Variants in SYNE1 observed in about 807,000 individuals in gnomAD.
The protein encoded by SYNE1 is spectrin repeat containing nuclear envelope protein 1, also known as nesprin-1.
Under a neutral mutation model 1,111.0 loss-of-function variants are expected in SYNE1, and 616 were observed. The observed-to-expected ratio is 0.55, with a 90% CI of 0.52 to 0.59. The LOEUF (loss-of-function observed/expected upper bound fraction) is 0.59, where lower values mean the gene tolerates loss of function less well. SYNE1 is among the 20% of genes least tolerant of loss of function. SYNE1 has a pLI of 0.00. For synonymous variants in SYNE1, 3,855 were observed against 3,825.8 expected, an observed-to-expected ratio of 1.01 and a Z score of -0.28; for missense variants, 10,006 against 10,417.0, an observed-to-expected ratio of 0.96 and a Z score of 1.72.
rs138453650 is a variant in SYNE1, at chr6:152,455,538, C to T, written c.2780G>A (p.Arg927His). 12 of 1,614,164 alleles carry T rather than the reference C, an allele frequency of 7.4e-6. No individual in the cohort carries two copies. Among genetic ancestry groups the T allele is most frequent in the East Asian group, 2.2e-5 (1 of 44,882 alleles). Reference sequence around the variant, plus strand: ...AGACTCCTCAAACTTCTTCATCAAGCGACTGTTGGTTTCCACATGCTTCTT... The same window carrying T: ...AGACTCCTCAAACTTCTTCATCAAGTGACTGTTGGTTTCCACATGCTTCTT... The part of the protein sequence containing the change: ...DWKKHVETNS[R>H]LMKKFEESRA... Residue 927 changes from arginine to histidine, a missense_variant, in exon 24 of 146, where the codon CGC becomes CAC. Coordinates refer to ENST00000367255, the MANE Select transcript of SYNE1 (RefSeq NM_182961.4).
intron 87 of SYNE1, chr6:152,316,182 C>T (rs560172250): frequency 6.6e-6 from 1 of 152,550 alleles, no homozygotes; most frequent in East Asian, 1.9e-4. Context: ...ACTAACATAG[C>T]CAGCATGTGA....
intron 13 of SYNE1, among the ~76,000 whole-genome samples, chr6:152,484,038 CAAAAAAAAAAA>C (rs773019397): frequency 1.1e-4 from 6 of 53,506 alleles, no homozygotes; most frequent in African/African-American, 2.9e-4. Flanking sequence ...CTCATCTCTA[CAAAAAAAAAAA>C]AAAAAAAAAA....
At chr6:152,295,042 G>C (rs998647442) in intron 93 of SYNE1, among the ~76,000 whole-genome samples, 1 of 152,162 alleles carries the variant, frequency 6.6e-6, no homozygotes, top group Non-Finnish European at 1.5e-5. Context: ...ATTGAAGAAG[G>C]CTCCAGCCGT....
intron 8 of SYNE1, among the ~76,000 whole-genome samples, chr6:152,509,818 T>C (rs931505633): frequency 1.3e-5 from 2 of 152,140 alleles, no homozygotes; most frequent in African/African-American, 4.8e-5. Flanking sequence ...TAGAACATAA[T>C]AGTCTCATGA....
At position 152,322,020 on chromosome 6, in the gene SYNE1, C is replaced by T. The variant is rs917037054; in HGVS notation, c.15918-134G>A. 11 of 879,798 alleles carry T rather than the reference C, an allele frequency of 1.3e-5. No individual in the cohort carries two copies. In the African/African-American group the frequency reaches 1.5e-4, roughly 12 times the overall value. The allele number at this position is 879,798 out of a possible 1,614,324, so 54.5% of individuals were successfully genotyped here. A position where few individuals can be genotyped will look rare whatever the true frequency, so the allele number is the denominator to read the frequency against. Reference sequence around the variant, plus strand: ...TTTGAAAGAAAAGACACTTCCTCAACACTGTTAAATAACACTGCAGTTCAT... The same window carrying T: ...TTTGAAAGAAAAGACACTTCCTCAATACTGTTAAATAACACTGCAGTTCAT... On this transcript the variant is annotated intron_variant, in intron 82 of 145. Transcript: ENST00000367255.
At chr6:152,165,597 A>G (rs1379210590) in intron 130 of SYNE1, among the ~76,000 whole-genome samples, 1 of 152,230 alleles carries the variant, frequency 6.6e-6, no homozygotes, top group Non-Finnish European at 1.5e-5. Context: ...CATATTTCAC[A>G]ATATATTCTT....
chr6:152,476,397 A>T (rs1312830610), intron 14 of SYNE1, among the ~76,000 whole-genome samples: 1 of 152,126 alleles, frequency 6.6e-6, no homozygotes, highest in Non-Finnish European at 1.5e-5. Context: ...AATGCTGAAA[A>T]TTGTTCTGCC....
At chr6:152,529,837 T>TC (rs1554856434) in intron 4 of SYNE1, among the ~76,000 whole-genome samples, 1 of 151,702 alleles carries the variant, frequency 6.6e-6, no homozygotes, top group Non-Finnish European at 1.5e-5. Flanking sequence ...AGGGTTTTAC[T>TC]GGGGGGTCTA....
In SYNE1 at chr6:152,453,691, C is replaced by A. The variant is rs2098670209; in HGVS notation, c.2922G>T (p.Val974=). The change falls in exon 25 of 146, where the codon GTG becomes GTT. Residue 974 remains valine (V), a synonymous_variant. Transcript: ENST00000367255. ...TEFFSQLDQR[V]LNAFLKACDE... is the part of the protein sequence containing the mutation. ...CACAAGCTTTCAGGAAAGCATTGAG[C>A]ACCCTCTGATCCAGCTGACTGAAAA... 2 of 1,614,158 alleles carry A rather than the reference C, an allele frequency of 1.2e-6. No individual in the cohort carries two copies. The highest frequency in any genetic ancestry group is 3.3e-4 in the Middle Eastern group (2 of 6,062).
chr6:152,488,937 G>T (rs1223237532), intron 11 of SYNE1, among the ~76,000 whole-genome samples: 2 of 152,098 alleles, frequency 1.3e-5, no homozygotes, highest in Non-Finnish European at 2.9e-5. Flanking sequence ...ATACCATTGG[G>T]TGACTTGTCT....
chr6:152,136,267 G>T (rs1207777768), intron 141 of SYNE1, among the ~76,000 whole-genome samples: 4 of 152,156 alleles, frequency 2.6e-5, no homozygotes, highest in Admixed American at 6.5e-5. Flanking sequence ...TATTTGCAAT[G>T]CTCACTTTGA....
intron 128 of SYNE1, among the ~76,000 whole-genome samples, chr6:152,181,953 G>A (rs2068200678): frequency 6.6e-6 from 1 of 152,132 alleles, no homozygotes; most frequent in Admixed American, 6.5e-5. Context: ...CCATCCTAAT[G>A]GATGTGAAGT....
At chr6:152,399,561 G>A (rs2097781894) in intron 48 of SYNE1, 55 bp downstream of exon 48, 3 of 1,600,050 alleles carry the variant, frequency 1.9e-6, no homozygotes, top group Non-Finnish European at 2.6e-6. Flanking sequence ...GCAGCATTTG[G>A]TTTGGATTCT....
rs745694442 is a variant in SYNE1, at chr6:152,254,873, T to C, written c.19470+7A>G. On this transcript the variant is annotated splice_region_variant and intron_variant, in intron 104 of 145. Transcript: ENST00000367255. ...GGTCACGTATCCTTTGATAATATCT[T>C]ACTTACCTGGAAATTTAGTATTTGC... 2 of 1,611,806 alleles carry C rather than the reference T, an allele frequency of 1.2e-6. No homozygotes were observed. The highest frequency in any genetic ancestry group is 2.2e-5 in the East Asian group (1 of 44,802).
At chr6:152,582,484 T>TAC (rs992432091) in intron 3 of SYNE1, among the ~76,000 whole-genome samples, 15 of 151,946 alleles carry the variant, frequency 9.9e-5, no homozygotes, top group Non-Finnish European at 1.6e-4. Context: ...TTTATATATA[T>TAC]ACACACACAC....
chr6:152,371,491 T>C (rs1031865026), intron 59 of SYNE1, among the ~76,000 whole-genome samples: 14 of 149,966 alleles, frequency 9.3e-5, no homozygotes, highest in African/African-American at 3.0e-4. Flanking sequence ...GGTCTGTCCT[T>C]ATAACATCGT....
At position 152,136,821 on chromosome 6, in the gene SYNE1, G is replaced by C; in HGVS notation, c.25459-3C>G. 6.2e-7 allele frequency: 1 copy of C among 1,614,030 alleles called. No homozygotes were observed. Among genetic ancestry groups the C allele is most frequent in the Non-Finnish European group, 8.5e-7 (1 of 1,179,922 alleles). On this transcript the variant is annotated splice_polypyrimidine_tract_variant and splice_region_variant and intron_variant, in intron 140 of 145. Coordinates refer to ENST00000367255, the MANE Select transcript of SYNE1 (RefSeq NM_182961.4). ...TGGTCCACAGCTTTCTGGAGCTCCT[G>C]AAAAGAACAAAAAAGACAATCAAAC...
At chr6:152,631,174 T>C (rs1320505919) in intron 2 of SYNE1, among the ~76,000 whole-genome samples, 1 of 152,218 alleles carries the variant, frequency 6.6e-6, no homozygotes, top group Non-Finnish European at 1.5e-5. Flanking sequence ...GTGGGTGTTC[T>C]GGAAAGGTGT....
Position 152,425,462 on chromosome 6 carries a change from T to C in SYNE1, c.5186A>G (p.Lys1729Arg), listed in dbSNP as rs2098337490. Residue 1729 changes from lysine (K) to arginine (R), a missense_variant, in exon 39 of 146, where the codon AAA becomes AGA. This residue lies in a region of SYNE1 where 1,971 missense variants were observed against 2,084.1 expected (regional missense o/e 0.95). Coordinates refer to ENST00000367255, the MANE Select transcript of SYNE1 (RefSeq NM_182961.4). ...TAGTTTCATCATTTTCACATCATCT[T>C]TGGAGGCTACTGAGAACAATGATTC... ...LKESLFSVASKDDVKMMKLHL... is the reference protein window; with the variant it reads ...LKESLFSVASRDDVKMMKLHL... 1 of 1,614,046 alleles carries C rather than the reference T, an allele frequency of 6.2e-7. No individual in the cohort carries two copies. Among genetic ancestry groups the C allele is most frequent in the African/African-American group, 1.3e-5 (1 of 74,924 alleles).
Sources: allele counts gnomAD v4.1 joint callset (sites outside exome capture counted in the v4.1 genomes callset), GRCh38; gene constraint gnomAD v4.1.1; regional missense constraint gnomAD v4.1.1; transcripts MANE v1.5; gene names NCBI Gene and HGNC (gene_info 2026-07-23, HGNC 2026-07-21).